The following FGGY variants were observed in gnomAD, a reference collection of about 807,000 sequenced individuals.
The protein encoded by FGGY is FGGY carbohydrate kinase domain containing.
Under a neutral mutation model 71.3 loss-of-function variants are expected in FGGY, and 72 were observed. That is an observed-to-expected ratio of 1.01 (90% CI 0.84 to 1.23). The LOEUF (loss-of-function observed/expected upper bound fraction) is 1.23. Among genes scored for constraint, FGGY ranks in the 50% most tolerant of loss-of-function variants. The pLI is 0.00. For missense variants in FGGY, 668 were observed against 682.3 expected (o/e 0.98, Z 0.23); for synonymous variants, 251 against 250.3 (o/e 1.00, Z -0.02).
At chr1:59,363,513 G>C (rs764046047) in intron 4 of FGGY, among the ~76,000 whole-genome samples, 25 of 152,054 alleles carry the variant, frequency 1.6e-4, no homozygotes, top group Non-Finnish European at 3.7e-4. Flanking sequence ...GAGATGAAGA[G>C]TAGTTGAGTA....
intron 6 of FGGY, among the ~76,000 whole-genome samples, chr1:59,463,847 G>T (rs886126636): frequency 1.3e-5 from 2 of 152,188 alleles, no homozygotes; most frequent in African/African-American, 4.8e-5. Context: ...CAATATAGGA[G>T]CACCCAGATT....
intron 6 of FGGY, among the ~76,000 whole-genome samples, chr1:59,472,610 G>A (rs1483298110): frequency 1.3e-5 from 2 of 152,214 alleles, no homozygotes; most frequent in African/African-American, 4.8e-5. Context: ...TACACCAATT[G>A]GCACTCTGTA....
chr1:59,330,860 T>C (rs1312585469), intron 2 of FGGY, among the ~76,000 whole-genome samples: 1 of 152,140 alleles, frequency 6.6e-6, no homozygotes, highest in Non-Finnish European at 1.5e-5. Flanking sequence ...AGAATCATCC[T>C]GAGTTTGAGA....
intron 6 of FGGY, among the ~76,000 whole-genome samples, chr1:59,461,028 A>G (rs758414688): frequency 2.6e-5 from 4 of 152,216 alleles, no homozygotes; most frequent in African/African-American, 9.6e-5. Context: ...AAGGATCACA[A>G]TTCCCTGCCA....
At chr1:59,303,011 C>T (rs1022741901) in intron 1 of FGGY, among the ~76,000 whole-genome samples, 1 of 152,064 alleles carries the variant, frequency 6.6e-6, no homozygotes, top group Non-Finnish European at 1.5e-5. Flanking sequence ...TGAGGTATGA[C>T]TGATGAGTAA....
chr1:59,305,790 T>A (rs2043352181), intron 1 of FGGY, among the ~76,000 whole-genome samples: 1 of 152,234 alleles, frequency 6.6e-6, no homozygotes. Flanking sequence ...TGCTTCTGCC[T>A]CAGATTGTTT....
rs565377592 is a variant in FGGY at position 59,739,345 on chromosome 1, A to C, written c.1513-18586A>C. Reference sequence around the variant, plus strand: ...TTTGGCTTCTGCAAATAAACTAGCAAACATTTCCTGCCCAGGCTACCAAAC... The same window carrying C: ...TTTGGCTTCTGCAAATAAACTAGCACACATTTCCTGCCCAGGCTACCAAAC... On this transcript the variant is annotated intron_variant, in intron 14 of 15. Coordinates refer to ENST00000303721, the MANE Select transcript of FGGY (RefSeq NM_018291.5). Among the ~76,000 whole-genome samples the C allele has an allele frequency of 1.4e-4, 22 of 152,258 alleles. No individual in the cohort carries two copies. The South Asian group carries it at 4.1e-3, about 29-fold the overall frequency.
intron 5 of FGGY, among the ~76,000 whole-genome samples, chr1:59,385,582 G>A (rs2059981745): frequency 6.6e-6 from 1 of 151,846 alleles, no homozygotes; most frequent in African/African-American, 2.4e-5. Flanking sequence ...ATGAGAAATG[G>A]GAAGTCAAAC....
At chr1:59,461,133 AG>A (rs1213956003) in intron 6 of FGGY, among the ~76,000 whole-genome samples, 1 of 152,230 alleles carries the variant, frequency 6.6e-6, no homozygotes, top group Non-Finnish European at 1.5e-5. Context: ...GAGCTAAAGG[AG>A]GATATTCAAC....
In FGGY at chr1:59,398,742, G is replaced by A. The variant is rs532739255; in HGVS notation, c.554+19905G>A. ...ATGAGAAAATCTAGAGAGAAGTCCA[G>A]TTTGATTATACTAGAACCTCATTTG... On this transcript the variant is annotated intron_variant, in intron 5 of 15. Coordinates refer to ENST00000303721, the MANE Select transcript of FGGY (RefSeq NM_018291.5). Among the ~76,000 whole-genome samples, 28 of 152,264 alleles carry A rather than the reference G, an allele frequency of 1.8e-4. 1 individual carries two copies. In the South Asian group the frequency reaches 5.6e-3, roughly 30 times the overall value.
At chr1:59,732,714 G>A (rs897247073) in intron 14 of FGGY, among the ~76,000 whole-genome samples, 2 of 152,140 alleles carry the variant, frequency 1.3e-5, no homozygotes, top group African/African-American at 2.4e-5. Flanking sequence ...TTGGTTAGTT[G>A]ATTACTTTAT....
chr1:59,408,180 A>G (rs1571762788), intron 5 of FGGY, among the ~76,000 whole-genome samples: 2 of 152,286 alleles, frequency 1.3e-5, no homozygotes, highest in East Asian at 3.9e-4. Context: ...ACCTGATACC[A>G]TTTATGTTTG....
At chr1:59,665,061 C>A (rs1440871934) in intron 12 of FGGY, among the ~76,000 whole-genome samples, 3 of 152,182 alleles carry the variant, frequency 2.0e-5, no homozygotes, top group Non-Finnish European at 2.9e-5. Flanking sequence ...ACAATTCATG[C>A]CGTTAGAGCA....
intron 14 of FGGY, among the ~76,000 whole-genome samples, chr1:59,724,588 C>T (rs970497988): frequency 1.3e-5 from 2 of 151,978 alleles, no homozygotes; most frequent in African/African-American, 4.8e-5. Context: ...ATAGTTCTAC[C>T]TTTTCTAAAA....
intron 2 of FGGY, among the ~76,000 whole-genome samples, chr1:59,327,339 C>G (rs1570426009): frequency 6.6e-6 from 1 of 152,304 alleles, no homozygotes; most frequent in African/African-American, 2.4e-5. Flanking sequence ...TCATCTTTAT[C>G]AGAAGTAGAT....
rs772605770 is a variant in FGGY, at chr1:59,737,518, A to T, written c.1513-20413A>T. 3.6e-4 allele frequency among the ~76,000 whole-genome samples: 55 copies of T among 152,244 alleles called. 1 individual carries two copies. Among genetic ancestry groups the T allele is most frequent in the Non-Finnish European group, 1.0e-4 (7 of 68,036 alleles). ...TATCAGTGTGACCTGGATGTGAGAC[A>T]TGGAGTCAAAGGAGATCATTTTGTA... is the stretch of plus-strand genomic sequence containing the variant. On this transcript the variant is annotated intron_variant, in intron 14 of 15. Transcript: ENST00000303721.
At chr1:59,397,994 A>G (rs1445270498) in intron 5 of FGGY, among the ~76,000 whole-genome samples, 2 of 152,194 alleles carry the variant, frequency 1.3e-5, no homozygotes, top group Non-Finnish European at 2.9e-5. Flanking sequence ...ATTTTCAAGA[A>G]CACATCTAAA....
At chr1:59,305,403 A>G (rs561009552) in intron 1 of FGGY, among the ~76,000 whole-genome samples, 4 of 152,246 alleles carry the variant, frequency 2.6e-5, no homozygotes, top group African/African-American at 9.6e-5. Context: ...AAGGATAGTT[A>G]CTTACTTGAT....
chr1:59,363,314 T>C (rs1332022660), intron 4 of FGGY, among the ~76,000 whole-genome samples: 1 of 152,196 alleles, frequency 6.6e-6, no homozygotes, highest in Non-Finnish European at 1.5e-5. Flanking sequence ...CCCTACTCTT[T>C]CCTGAAGAGG....
Sources: gnomAD v4.1 joint callset for allele counts (sites outside exome capture counted in the v4.1 genomes callset) on GRCh38, gnomAD v4.1.1 for gene constraint, MANE v1.5 for transcripts, NCBI Gene and HGNC (gene_info 2026-07-23, HGNC 2026-07-21) for gene names.